CUL2: variants seen among roughly 807,000 people sequenced by gnomAD.
CUL2 encodes the protein cullin 2.
Under a neutral mutation model 110.2 loss-of-function variants are expected in CUL2, and 22 were observed. The ratio of observed to expected loss-of-function variants is 0.20; its 90% CI spans 0.14 to 0.28. The LOEUF is 0.28. Among genes scored for constraint, CUL2 ranks in the 10% least tolerant of loss-of-function variants. CUL2 has a pLI of 1.00. For synonymous variants in CUL2, 279 were observed against 293.2 expected (o/e 0.95, Z 0.49); for missense variants, 631 against 905.5 (o/e 0.70, Z 3.89).
At chr10:35,104,411 A>G (rs1013986267) in intron 1 of CUL2, among the ~76,000 whole-genome samples, 34 of 152,268 alleles carry the variant, frequency 2.2e-4, no homozygotes, top group African/African-American at 7.9e-4. Context: ...TCGCCATTGC[A>G]CTGTAGCCTG....
intron 9 of CUL2, among the ~76,000 whole-genome samples, chr10:35,035,917 T>A (rs1401823851): frequency 1.3e-5 from 2 of 152,234 alleles, no homozygotes; most frequent in African/African-American, 2.4e-5. Flanking sequence ...GGGAGGTGAA[T>A]AATGATCTCT....
chr10:35,058,476 A>G (rs1024933701), intron 4 of CUL2, among the ~76,000 whole-genome samples: 23 of 152,218 alleles, frequency 1.5e-4, no homozygotes, highest in African/African-American at 5.5e-4. Context: ...GGACAGGTCC[A>G]TTGTAACTCC....
intron 1 of CUL2, among the ~76,000 whole-genome samples, chr10:35,105,648 C>T (rs1305594273): frequency 6.6e-5 from 10 of 150,656 alleles, no homozygotes; most frequent in Non-Finnish European, 1.2e-4. Flanking sequence ...GCAGAGGTTG[C>T]AGTGAGCCGA....
rs2084857159 is a variant in CUL2, at chr10:35,009,918, T to G, written c.*393A>C. Reference sequence around the variant, plus strand: ...CAGTATCATGTTTGTCATTTTAATGTAGATACAATTATTAGGTTATCTGTC... The same window carrying G: ...CAGTATCATGTTTGTCATTTTAATGGAGATACAATTATTAGGTTATCTGTC... On this transcript the variant is annotated 3_prime_UTR_variant, in exon 21 of 21. Transcript: ENST00000374749. 1 of 152,176 alleles carries G rather than the reference T, an allele frequency of 6.6e-6. No individual in the cohort carries two copies. The highest frequency in any genetic ancestry group is 1.5e-5 in the Non-Finnish European group (1 of 68,106). 9.4% of individuals were successfully genotyped at this position (152,176 alleles called of 1,614,324 possible).
At chr10:35,044,517 AG>A in intron 8 of CUL2, 48 bp downstream of exon 8, 1 of 1,176,882 alleles carries the variant, frequency 8.5e-7, no homozygotes, top group East Asian at 2.4e-5. Flanking sequence ...AAATAAAACC[AG>A]GCCAGATACA....
rs183996979 is a variant in CUL2, at chr10:35,073,658, G to A, written c.-22-2319C>T. Among the ~76,000 whole-genome samples, 98 of 149,920 alleles carry A rather than the reference G, an allele frequency of 6.5e-4. 1 individual carries two copies. Among genetic ancestry groups the A allele is most frequent in the Middle Eastern group, 6.8e-3 (2 of 294 alleles). On this transcript the variant is annotated intron_variant, in intron 1 of 20. Coordinates refer to ENST00000374749, the MANE Select transcript of CUL2 (RefSeq NM_003591.4). Reference sequence around the variant, plus strand: ...CGCTGTTGTCAGCCTGGGCTGGGGTGCAATGGCGCAATCTCGGCTCACTGC... The same window carrying A: ...CGCTGTTGTCAGCCTGGGCTGGGGTACAATGGCGCAATCTCGGCTCACTGC...
chr10:35,088,996 T>C (rs1400841036), intron 1 of CUL2, among the ~76,000 whole-genome samples: 1 of 152,138 alleles, frequency 6.6e-6, no homozygotes, highest in African/African-American at 2.4e-5. Context: ...GCCAACATGG[T>C]GAAACCCCAT....
upstream of CUL2, among the ~76,000 whole-genome samples, chr10:35,090,924 G>A (rs114412156): frequency 1.3e-3 from 202 of 152,276 alleles, 1 homozygote; most frequent in African/African-American, 4.7e-3. Context: ...ACACTTCCAT[G>A]GGCTTTGCAA....
intron 1 of CUL2, among the ~76,000 whole-genome samples, chr10:35,124,315 C>T (rs1316852116): frequency 1.3e-5 from 2 of 152,060 alleles, no homozygotes; most frequent in African/African-American, 4.8e-5. Flanking sequence ...AGTGCAATGG[C>T]TCATGCCTAT....
chr10:35,061,099 C>A, intron 3 of CUL2, 131 bp from the exon 4 acceptor site: 1 of 943,674 alleles, frequency 1.1e-6, no homozygotes, highest in Non-Finnish European at 1.5e-6. Flanking sequence ...ATTTACACAA[C>A]ACATATTAAC....
intron 17 of CUL2, among the ~76,000 whole-genome samples, chr10:35,021,038 T>G (rs2085167733): frequency 6.6e-6 from 1 of 150,842 alleles, no homozygotes; most frequent in Admixed American, 6.6e-5. Flanking sequence ...GCTCAAGTGA[T>G]ACTCCTGCCT....
At chr10:35,087,907 T>C (rs1333369238) in intron 1 of CUL2, among the ~76,000 whole-genome samples, 1 of 152,136 alleles carries the variant, frequency 6.6e-6, no homozygotes, top group Non-Finnish European at 1.5e-5. Flanking sequence ...ATCCAGCCCC[T>C]GGCTAGGACC....
chr10:35,013,732 T>C lies in CUL2; in HGVS notation c.1956A>G (p.Lys652=). 1 of 1,571,174 alleles carries C rather than the reference T, an allele frequency of 6.4e-7. No individual in the cohort carries two copies. Among genetic ancestry groups the C allele is most frequent in the Non-Finnish European group, 8.7e-7 (1 of 1,155,502 alleles). ...MNFSSKRTKF[K]ITTSMQKDTP... is the part of the protein sequence containing the mutation. ...TGTCTTTCTGCATTGATGTAGTAAT[T>C]TTAAATTTTGTTCTTTTACTGCTAA... The change falls in exon 19 of 21, where the codon AAA becomes AAG. Residue 652 remains lysine, a synonymous_variant. Transcript: ENST00000374749.
rs114940181 is a variant in CUL2 at position 35,034,076 on chromosome 10, C to A, written c.1003-803G>T. 7.6e-3 allele frequency among the ~76,000 whole-genome samples: 1,156 copies of A among 152,268 alleles called. 17 individuals carry two copies. The highest frequency in any genetic ancestry group is 0.026 in the African/African-American group (1,083 of 41,552). On this transcript the variant is annotated intron_variant, in intron 10 of 20. Coordinates refer to ENST00000374749, the MANE Select transcript of CUL2 (RefSeq NM_003591.4). Reference sequence around the variant, plus strand: ...CAGAGAGAAGAAATACCTAATAGTACAAAAGTGAGTTTTCCCTCTTAATGG... The same window carrying A: ...CAGAGAGAAGAAATACCTAATAGTAAAAAAGTGAGTTTTCCCTCTTAATGG...
intron 9 of CUL2, among the ~76,000 whole-genome samples, chr10:35,037,210 G>A (rs1397908307): frequency 1.3e-5 from 2 of 152,170 alleles, no homozygotes; most frequent in African/African-American, 2.4e-5. Flanking sequence ...GGTATCTTGA[G>A]GTAGTGATCA....
chr10:35,070,690 C>T (rs750502325), intron 2 of CUL2, among the ~76,000 whole-genome samples: 5 of 152,226 alleles, frequency 3.3e-5, no homozygotes, highest in Middle Eastern at 3.4e-3. Flanking sequence ...CTCCAGCAAG[C>T]ACACTCTTCC....
intron 9 of CUL2, among the ~76,000 whole-genome samples, chr10:35,038,299 G>A (rs1378863992): frequency 6.6e-6 from 1 of 151,618 alleles, no homozygotes; most frequent in African/African-American, 2.4e-5. Context: ...GCTGAGGCGG[G>A]CGGACCACAA....
intron 1 of CUL2, among the ~76,000 whole-genome samples, chr10:35,077,957 A>AT (rs1431254323): frequency 6.6e-6 from 1 of 152,180 alleles, no homozygotes; most frequent in Non-Finnish European, 1.5e-5. Context: ...TAAAAGGGAC[A>AT]TGGGGATTTA....
intron 18 of CUL2, among the ~76,000 whole-genome samples, chr10:35,014,142 C>A (rs1437223493): frequency 6.6e-6 from 1 of 152,218 alleles, no homozygotes; most frequent in Non-Finnish European, 1.5e-5. Flanking sequence ...TATGAAACAC[C>A]AAAGTGCGTA....
Sources: allele counts gnomAD v4.1 joint callset (sites outside exome capture counted in the v4.1 genomes callset), GRCh38; gene constraint gnomAD v4.1.1; transcripts MANE v1.5; gene names NCBI Gene and HGNC (gene_info 2026-07-23, HGNC 2026-07-21).